VWDE: variants seen among roughly 807,000 people sequenced by gnomAD.
The protein encoded by VWDE is von Willebrand factor D and EGF domains.
VWDE carries 207 observed loss-of-function variants against 178.4 expected under a neutral mutation model. That is an observed-to-expected ratio of 1.16 (90% CI 1.04 to 1.30). The LOEUF is 1.30. VWDE is among the 50% of genes most tolerant of loss of function. The pLI is 0.00. For synonymous variants in VWDE, 738 were observed against 651.4 expected (o/e 1.13, Z -2.02); for missense variants, 2,287 against 1,901.3 (o/e 1.20, Z -3.77).
rs139605380 is a variant in VWDE at position 12,393,764 on chromosome 7, G to C, written c.73C>G (p.Pro25Ala). 27 of 1,549,942 alleles carry C rather than the reference G, an allele frequency of 1.7e-5. No individual in the cohort carries two copies. The Admixed American group carries it at 5.3e-4, about 30-fold the overall frequency. Residue 25 changes from proline (P) to alanine (A), a missense_variant, in exon 2 of 29, where the codon CCT (proline) becomes GCT (alanine). Pro to Ala is a conservative substitution (Grantham distance 27). Transcript: ENST00000275358. ...CTCCGAAGAAACTGGTGTCCCCCAG[G>C]AGAGCACTCCTGAGCTAGTATGGAA... Reference protein sequence around the residue: ...LAWGEAQECSPGGHQFLRSPY... With the variant: ...LAWGEAQECSAGGHQFLRSPY...
chr7:12,366,841 A>C (rs1290026512), intron 13 of VWDE, among the ~76,000 whole-genome samples: 1 of 152,124 alleles, frequency 6.6e-6, no homozygotes, highest in Non-Finnish European at 1.5e-5. Context: ...AATAAGGTAT[A>C]AGTTGATATA....
At chr7:12,369,307 C>T (rs1326551152) in intron 12 of VWDE, among the ~76,000 whole-genome samples, 2 of 152,034 alleles carry the variant, frequency 1.3e-5, no homozygotes, top group African/African-American at 4.8e-5. Context: ...GTTTAGAGAG[C>T]CACTGAGTGC....
chr7:12,382,144 G>A (rs1783882646), intron 4 of VWDE, among the ~76,000 whole-genome samples: 1 of 151,410 alleles, frequency 6.6e-6, no homozygotes, highest in African/African-American at 2.4e-5. Flanking sequence ...CTTTCATTTG[G>A]TGTTGCTTCC....
chr7:12,336,963 A>G, intron 26 of VWDE, 25 bp downstream of exon 26: 1 of 1,524,138 alleles, frequency 6.6e-7, no homozygotes, highest in South Asian at 1.2e-5. Context: ...CGAAAGCTTC[A>G]GTGTTTTAAG....
At chr7:12,389,896 C>T (rs771457623) in intron 2 of VWDE, among the ~76,000 whole-genome samples, 19 of 152,104 alleles carry the variant, frequency 1.2e-4, no homozygotes, top group East Asian at 3.9e-4. Flanking sequence ...GGTGCGGTGG[C>T]GCATGCCTGC....
intron 3 of VWDE, among the ~76,000 whole-genome samples, chr7:12,385,990 G>A (rs1316972533): frequency 6.6e-6 from 1 of 152,072 alleles, no homozygotes; most frequent in African/African-American, 2.4e-5. Context: ...TAAATATTAT[G>A]TTTTTAAATT....
chr7:12,340,238 GA>G, intron 24 of VWDE, 83 bp downstream of exon 24: 1 of 1,088,932 alleles, frequency 9.2e-7, no homozygotes, highest in Non-Finnish European at 1.3e-6. Flanking sequence ...CTTTCCCTTT[GA>G]AACTTGTCTC....
chr7:12,370,569 A>T (rs547914212), intron 11 of VWDE, 60 bp from the exon 12 acceptor site: 1 of 1,528,336 alleles, frequency 6.5e-7, no homozygotes, highest in African/African-American at 1.4e-5. Flanking sequence ...GTTTCCTAAT[A>T]TGTGTTGCAA....
rs539795640 is a variant in VWDE, at chr7:12,374,918, T to A, written c.1242+92A>T. 2.3e-5 allele frequency: 30 copies of A among 1,311,556 alleles called. No individual in the cohort carries two copies. The Admixed American group carries it at 3.6e-4, about 16-fold the overall frequency. The allele number at this position is 1,311,556 out of a possible 1,614,324, so 81.2% of individuals were successfully genotyped here. A position where few individuals can be genotyped will look rare whatever the true frequency, so the allele number is the denominator to read the frequency against. On this transcript the variant is annotated intron_variant, in intron 8 of 28. Coordinates refer to ENST00000275358, the MANE Select transcript of VWDE (RefSeq NM_001135924.3). ...ATTTAAAAACTAATTTACCAAAAAA[T>A]TTTTTACATAAAAAGTTTATAAGAC...
intron 12 of VWDE, among the ~76,000 whole-genome samples, chr7:12,367,857 AT>A (rs1782949317): frequency 6.6e-6 from 1 of 152,150 alleles, no homozygotes; most frequent in Admixed American, 6.6e-5. Context: ...ATAGAAAAAA[AT>A]ATTTCTGTAA....
chr7:12,403,014 T>C (rs1288726901), intron 1 of VWDE, among the ~76,000 whole-genome samples: 6 of 152,214 alleles, frequency 3.9e-5, no homozygotes, highest in Non-Finnish European at 8.8e-5. Flanking sequence ...AAAGGGCTAA[T>C]GAAAGTAGTT....
Position 12,367,419 on chromosome 7 carries a change from T to C in VWDE, c.2836A>G (p.Arg946Gly). 1 of 1,547,390 alleles carries C rather than the reference T, an allele frequency of 6.5e-7. No individual in the cohort carries two copies. The highest frequency in any genetic ancestry group is 8.7e-7 in the Non-Finnish European group (1 of 1,144,728). Residue 946 changes from arginine to glycine, a missense_variant, in exon 13 of 29, where the codon AGA becomes GGA. Arg to Gly is a moderately radical substitution (Grantham distance 125). Transcript: ENST00000275358. ...TCTTTGAAGCCTTTGCCAAAAACTC[T>C]CACCATCATACAATTATATTTTTGA... ...DVQKYNCMMV[R>G]VFGKGFKELP...
chr7:12,371,387 T>A (rs1021337725), intron 10 of VWDE, among the ~76,000 whole-genome samples: 2 of 151,916 alleles, frequency 1.3e-5, no homozygotes, highest in East Asian at 3.9e-4. Flanking sequence ...GCAAGGAGAG[T>A]TTGCTGAATG....
chr7:12,337,715 G>A (rs1781120044), intron 24 of VWDE, among the ~76,000 whole-genome samples: 1 of 152,102 alleles, frequency 6.6e-6, no homozygotes, highest in African/African-American at 2.4e-5. Context: ...TACTTACTGA[G>A]GTTATGAAGG....
At chr7:12,361,549 C>A in intron 13 of VWDE, 28 bp from the exon 14 acceptor site, 1 of 1,485,040 alleles carries the variant, frequency 6.7e-7, no homozygotes, top group Non-Finnish European at 9.0e-7. Context: ...AAAAAATTAA[C>A]CTCTGTTAAA....
intron 18 of VWDE, among the ~76,000 whole-genome samples, chr7:12,355,785 T>C (rs984880351): frequency 2.0e-5 from 3 of 152,168 alleles, no homozygotes; most frequent in Non-Finnish European, 2.9e-5. Flanking sequence ...GCATAATTCC[T>C]TTATTTTTCC....
At position 12,342,089 on chromosome 7, in the gene VWDE, G is replaced by A; in HGVS notation, c.4240C>T (p.Pro1414Ser). Residue 1414 changes from proline to serine, a missense_variant, in exon 23 of 29, where the codon CCT becomes TCT. Transcript: ENST00000275358. ...CTACAGGTGGGTCCATACCAGCCAGGTTTGCACTGGCAAATATCTGGTGTA... is the reference window on the plus strand; with the variant it reads ...CTACAGGTGGGTCCATACCAGCCAGATTTGCACTGGCAAATATCTGGTGTA... ...CLTPDICQCK[P>S]GWYGPTCSTA... 6.4e-7 allele frequency: 1 copy of A among 1,551,050 alleles called. No individual in the cohort carries two copies. Among genetic ancestry groups the A allele is most frequent in the South Asian group, 1.2e-5 (1 of 84,016 alleles).
At chr7:12,399,729 C>T (rs959436477) in intron 1 of VWDE, among the ~76,000 whole-genome samples, 3 of 152,078 alleles carry the variant, frequency 2.0e-5, no homozygotes, top group Admixed American at 6.6e-5. Flanking sequence ...TTCCTATAAA[C>T]CCAGCTACTA....
intron 12 of VWDE, among the ~76,000 whole-genome samples, chr7:12,367,958 G>C (rs1782954130): frequency 2.0e-5 from 3 of 151,978 alleles, no homozygotes; most frequent in East Asian, 3.9e-4. Flanking sequence ...GGTATATGCA[G>C]TGTGTAAAAA....
Sources: allele counts gnomAD v4.1 joint callset (sites outside exome capture counted in the v4.1 genomes callset), GRCh38; gene constraint gnomAD v4.1.1; transcripts MANE v1.5; gene names NCBI Gene and HGNC (gene_info 2026-07-23, HGNC 2026-07-21).